C7orf33: variants seen among roughly 807,000 people sequenced by gnomAD.
The protein encoded by C7orf33 is chromosome 7 open reading frame 33, also known as uncharacterized protein C7orf33.
Under a neutral mutation model 13.4 loss-of-function variants are expected in C7orf33, and 15 were observed. The ratio of observed to expected loss-of-function variants is 1.12; its 90% CI spans 0.75 to 1.72. C7orf33 has a LOEUF of 1.72. Among genes scored for constraint, C7orf33 ranks in the 40% most tolerant of loss-of-function variants. C7orf33 has a pLI of 0.00. For missense variants in C7orf33, 187 were observed against 220.3 expected, an observed-to-expected ratio of 0.85 and a Z score of 0.96; for synonymous variants, 73 against 83.2, an observed-to-expected ratio of 0.88 and a Z score of 0.67.
intron 1 of C7orf33, among the ~76,000 whole-genome samples, chr7:148,612,428 T>G (rs1796554666): frequency 6.6e-6 from 1 of 152,224 alleles, no homozygotes; most frequent in Non-Finnish European, 1.5e-5. Context: ...TTAAAATCTT[T>G]TATGCTATAA....
chr7:148,599,600 A>G (rs1796390299), intron 1 of C7orf33, among the ~76,000 whole-genome samples: 1 of 149,156 alleles, frequency 6.7e-6, no homozygotes, highest in Non-Finnish European at 1.5e-5. Context: ...CCAGCTTCCC[A>G]AGTAGCTGGA....
intron 1 of C7orf33, among the ~76,000 whole-genome samples, chr7:148,592,136 C>T (rs1796277781): frequency 6.6e-6 from 1 of 152,198 alleles, no homozygotes; most frequent in Admixed American, 6.5e-5. Flanking sequence ...ACACATGCCA[C>T]AGGCTCAGAG....
chr7:148,598,755 TATATATATAGAGAGAGAGAGAGAG>T (rs1216696227), intron 1 of C7orf33, among the ~76,000 whole-genome samples: 102 of 52,442 alleles, frequency 1.9e-3, no homozygotes, highest in African/African-American at 8.2e-3. Context: ...TATATATATA[TATATATATAGAGAGAGAGAGAGAG>T]AGAGAGAGAG....
intron 1 of C7orf33, among the ~76,000 whole-genome samples, chr7:148,594,305 A>G (rs960970142): frequency 6.6e-6 from 1 of 150,878 alleles, no homozygotes; most frequent in African/African-American, 2.4e-5. Context: ...CCTCTCGAGT[A>G]GCTGGGACTA....
intron 1 of C7orf33, among the ~76,000 whole-genome samples, chr7:148,603,192 C>T (rs1165676608): frequency 6.6e-6 from 1 of 152,120 alleles, no homozygotes; most frequent in African/African-American, 2.4e-5. Flanking sequence ...GGTGGCAGAA[C>T]ACAAATAAAA....
chr7:148,602,280 G>T (rs1796424579), intron 1 of C7orf33, among the ~76,000 whole-genome samples: 1 of 151,696 alleles, frequency 6.6e-6, no homozygotes, highest in Non-Finnish European at 1.5e-5. Context: ...AATGTTGAAG[G>T]CATTATCTCT....
chr7:148,606,129 AACAG>A (rs1452443831), intron 1 of C7orf33, among the ~76,000 whole-genome samples: 5 of 152,308 alleles, frequency 3.3e-5, no homozygotes, highest in African/African-American at 1.2e-4. Context: ...GAAGATTATG[AACAG>A]ACAGATAAGG....
At position 148,590,830 on chromosome 7, in the gene C7orf33, C is replaced by T; in HGVS notation, c.-96C>T. ...CCCAGCCTGTGTCTGAATCCTCCTA[C>T]TGACCCTGGGGATCCGTGCGACTTG... On this transcript the variant is annotated 5_prime_UTR_variant, in exon 1 of 3. Transcript: ENST00000307003. The T allele has an allele frequency of 1.8e-6, 2 of 1,138,468 alleles. No individual in the cohort carries two copies. The allele number at this position is 1,138,468 out of a possible 1,614,324, so 70.5% of individuals were successfully genotyped here.
intron 1 of C7orf33, among the ~76,000 whole-genome samples, chr7:148,604,076 TAAC>T (rs1318230546): frequency 3.3e-5 from 5 of 151,406 alleles, no homozygotes; most frequent in Non-Finnish European, 7.4e-5. Context: ...AGGAATGAAA[TAAC>T]AACATTCGCA....
chr7:148,615,545 C>G lies in C7orf33; in HGVS notation c.*144C>G. On this transcript the variant is annotated 3_prime_UTR_variant, in exon 3 of 3. Transcript: ENST00000307003. ...AATCTGAAGTCTGAACTTTGAACAC[C>G]AGCAGACAGGCTGAGAATTCTCTTT... is the stretch of plus-strand genomic sequence containing the variant. 1.8e-6 allele frequency: 1 copy of G among 567,890 alleles called. No individual in the cohort carries two copies. The highest frequency in any genetic ancestry group is 3.2e-6 in the Non-Finnish European group (1 of 313,220). 35.2% of individuals were successfully genotyped at this position (567,890 alleles called of 1,614,324 possible).
chr7:148,599,469 ATT>A (rs34816972), intron 1 of C7orf33, among the ~76,000 whole-genome samples: 11,771 of 122,500 alleles, frequency 0.096, 463 homozygotes, highest in East Asian at 0.27. Flanking sequence ...CAATTCTCAG[ATT>A]TTTTTTTTTT....
intron 1 of C7orf33, among the ~76,000 whole-genome samples, chr7:148,597,485 T>C (rs1796353184): frequency 6.6e-6 from 1 of 152,048 alleles, no homozygotes; most frequent in Admixed American, 6.5e-5. Context: ...TTTTACCATA[T>C]TGGCCAGGCT....
chr7:148,612,664 T>C (rs919450755), intron 1 of C7orf33, among the ~76,000 whole-genome samples: 14 of 152,140 alleles, frequency 9.2e-5, no homozygotes, highest in Admixed American at 7.2e-4. Context: ...ATTTGAGATA[T>C]GCAAATCAAA....
At position 148,598,536 on chromosome 7, in the gene C7orf33, C is replaced by G. The variant is rs528733199; in HGVS notation, c.204+7407C>G. Among the ~76,000 whole-genome samples, 4 of 151,778 alleles carry G rather than the reference C, an allele frequency of 2.6e-5. No homozygotes were observed. In the South Asian group the frequency reaches 6.3e-4, roughly 24 times the overall value. On this transcript the variant is annotated intron_variant, in intron 1 of 2. Coordinates refer to ENST00000307003, the MANE Select transcript of C7orf33 (RefSeq NM_145304.4). The stretch of plus-strand genomic sequence containing the variant: ...TACTATGAAACAAACATCAGCTAAA[C>G]TTGACGTTATGTTGCATAATAAAGT...
At chr7:148,598,718 A>T (rs1181938555) in intron 1 of C7orf33, among the ~76,000 whole-genome samples, 1 of 101,608 alleles carries the variant, frequency 9.8e-6, no homozygotes, top group Non-Finnish European at 2.0e-5. Flanking sequence ...AAAAAATTTC[A>T]TTCCTGGATA....
chr7:148,615,601 C>A lies in C7orf33; in HGVS notation c.*200C>A. The A allele has an allele frequency of 4.2e-6, 2 of 480,600 alleles. No homozygotes were observed. Among genetic ancestry groups the A allele is most frequent in the South Asian group, 2.1e-5 (1 of 47,516 alleles). 29.8% of individuals were successfully genotyped at this position (480,600 alleles called of 1,614,324 possible). A position where few individuals can be genotyped will look rare whatever the true frequency, so the allele number is the denominator to read the frequency against. On this transcript the variant is annotated 3_prime_UTR_variant, in exon 3 of 3. Transcript: ENST00000307003. ...TGAGCCCAAGTTCCACGTGTACCTG[C>A]AGGAATCTGTGTGGCATTTGTGCAC...
At chr7:148,608,300 C>T (rs918675852) in intron 1 of C7orf33, among the ~76,000 whole-genome samples, 13 of 151,408 alleles carry the variant, frequency 8.6e-5, no homozygotes, top group African/African-American at 2.2e-4. Flanking sequence ...CATGGTGGTG[C>T]GCGCCTGTAG....
intron 1 of C7orf33, among the ~76,000 whole-genome samples, chr7:148,607,998 C>T (rs1228765853): frequency 1.3e-5 from 2 of 152,144 alleles, no homozygotes; most frequent in Non-Finnish European, 1.5e-5. Flanking sequence ...CAGCGTATTA[C>T]CTCACTCCCT....
Position 148,590,802 on chromosome 7 carries a change from G to A in C7orf33, c.-124G>A, listed in dbSNP as rs1377344112. On this transcript the variant is annotated 5_prime_UTR_variant, in exon 1 of 3. Transcript: ENST00000307003. ...TGCCAATCCAGTGGTCAGGAGCGAGGCGCCCAGCCTGTGTCTGAATCCTCC... is the reference window on the plus strand; with the variant it reads ...TGCCAATCCAGTGGTCAGGAGCGAGACGCCCAGCCTGTGTCTGAATCCTCC... 1.2e-6 allele frequency: 1 copy of A among 857,198 alleles called. No homozygotes were observed. The highest frequency in any genetic ancestry group is 1.7e-5 in the African/African-American group (1 of 59,748). 53.1% of individuals were successfully genotyped at this position (857,198 alleles called of 1,614,324 possible).
Sources: gnomAD v4.1 joint callset for allele counts (sites outside exome capture counted in the v4.1 genomes callset) on GRCh38, gnomAD v4.1.1 for gene constraint, MANE v1.5 for transcripts, NCBI Gene and HGNC (gene_info 2026-07-23, HGNC 2026-07-21) for gene names.